Variants in TACC2 observed in about 807,000 individuals in gnomAD.
TACC2 encodes the protein transforming acidic coiled-coil-containing protein 2.
A neutral mutation model predicts 227.3 loss-of-function variants in TACC2; 137 were observed. The observed-to-expected ratio is 0.60, with a 90% CI of 0.52 to 0.69. The LOEUF is 0.69. TACC2 is among the 30% of genes least tolerant of loss of function. TACC2 has a pLI of 0.00. For missense variants in TACC2, 3,470 were observed against 3,694.4 expected (o/e 0.94, Z 1.57); for synonymous variants, 1,523 against 1,487.5 (o/e 1.02, Z -0.55).
At chr10:122,027,662 A>C (rs1958209805) in intron 2 of TACC2, among the ~76,000 whole-genome samples, 1 of 152,008 alleles carries the variant, frequency 6.6e-6, no homozygotes, top group Non-Finnish European at 1.5e-5. Context: ...ATTCTTTTCT[A>C]AAATTGTTTT....
intron 5 of TACC2, among the ~76,000 whole-genome samples, chr10:122,132,066 A>AGGAAGGAAGGAAGGAAGGAAGG: frequency 3.4e-5 from 2 of 58,320 alleles, no homozygotes; most frequent in East Asian, 7.0e-4. Flanking sequence ...GAAAGAAAGA[A>AGGAAGGAAGGAAGGAAGGAAGG]AAAGAAAGAA....
chr10:122,163,809 C>A, intron 7 of TACC2: 2 of 1,408,120 alleles, frequency 1.4e-6, no homozygotes, highest in East Asian at 2.8e-5. Context: ...AGCTGCTCCC[C>A]TCTGCAGTGC....
intron 7 of TACC2, among the ~76,000 whole-genome samples, chr10:122,146,145 G>C (rs919726781): frequency 3.9e-5 from 6 of 152,150 alleles, no homozygotes; most frequent in Non-Finnish European, 7.4e-5. Flanking sequence ...GGTAGCTGAG[G>C]ATGGCTTCCC....
chr10:122,168,313 C>A (rs570013824), intron 7 of TACC2, among the ~76,000 whole-genome samples: 8 of 152,090 alleles, frequency 5.3e-5, no homozygotes, highest in Non-Finnish European at 7.4e-5. Context: ...AGTTCCTGGA[C>A]GGAGATTTTA....
intron 7 of TACC2, among the ~76,000 whole-genome samples, chr10:122,182,043 C>G (rs1295453400): frequency 6.6e-6 from 1 of 152,208 alleles, no homozygotes; most frequent in African/African-American, 2.4e-5. Flanking sequence ...TGTAGCTTCT[C>G]CATCCCACAT....
chr10:122,202,817 T>C (rs1352433649), intron 8 of TACC2, among the ~76,000 whole-genome samples: 2 of 150,692 alleles, frequency 1.3e-5, no homozygotes, highest in Admixed American at 6.6e-5. Flanking sequence ...CCTTCCGCAG[T>C]GTTTGTGTCC....
intron 22 of TACC2, among the ~76,000 whole-genome samples, chr10:122,253,442 G>A (rs1375134926): frequency 6.6e-6 from 1 of 152,124 alleles, no homozygotes; most frequent in Non-Finnish European, 1.5e-5. Flanking sequence ...AAGGTGTGGT[G>A]GGAGAATCAC....
intron 1 of TACC2, among the ~76,000 whole-genome samples, chr10:122,002,370 G>T (rs1249688785): frequency 6.6e-6 from 1 of 152,110 alleles, no homozygotes; most frequent in Admixed American, 6.5e-5. Context: ...GTTGGAGTTT[G>T]CTAGTATGTT....
chr10:122,184,453 G>A (rs1268139258), intron 7 of TACC2, among the ~76,000 whole-genome samples: 1 of 152,114 alleles, frequency 6.6e-6, no homozygotes, highest in Non-Finnish European at 1.5e-5. Context: ...CCAGCTAACC[G>A]GATCCCAGCT....
intron 3 of TACC2, among the ~76,000 whole-genome samples, chr10:122,071,659 AG>A (rs1402085991): frequency 6.9e-6 from 1 of 145,446 alleles, no homozygotes; most frequent in African/African-American, 2.5e-5. Context: ...GGATCATCTG[AG>A]GTCAAGAGTT....
At chr10:122,245,381 G>A (rs2096088908) in intron 19 of TACC2, among the ~76,000 whole-genome samples, 1 of 152,144 alleles carries the variant, frequency 6.6e-6, no homozygotes, top group Admixed American at 6.5e-5. Context: ...GTTAGGTTGA[G>A]AGGAAAGGAA....
chr10:122,254,436 T>A lies in TACC2; in HGVS notation c.*380T>A, dbSNP rs747511945. 1 of 171,336 alleles carries A rather than the reference T, an allele frequency of 5.8e-6. No homozygotes were observed. The highest frequency in any genetic ancestry group is 1.6e-4 in the South Asian group (1 of 6,212). 10.6% of individuals were successfully genotyped at this position (171,336 alleles called of 1,614,324 possible). A position where few individuals can be genotyped will look rare whatever the true frequency, so the allele number is the denominator to read the frequency against. On this transcript the variant is annotated 3_prime_UTR_variant, in exon 23 of 23. Transcript: ENST00000369005. ...GCATAGGGACTCTTGCCTTAAGGAG[T>A]GTAAACTTGATCTGCATTTGCTGAT...
intron 3 of TACC2, among the ~76,000 whole-genome samples, chr10:122,058,030 C>G (rs866985560): frequency 1.3e-5 from 2 of 152,228 alleles, no homozygotes; most frequent in Admixed American, 6.5e-5. Context: ...CACACAACAA[C>G]TGACCAGCAT....
rs1028743179 is a variant in TACC2, at chr10:122,125,017, G to A, written c.5574-7592G>A. Among the ~76,000 whole-genome samples, 7 of 146,738 alleles carry A rather than the reference G, an allele frequency of 4.8e-5. No homozygotes were observed. In the South Asian group the frequency reaches 8.7e-4, roughly 18 times the overall value. On this transcript the variant is annotated intron_variant, in intron 5 of 22. Transcript: ENST00000369005. ...AAACACTCTCCAGCACGAAGCCAGC[G>A]CAGCCCTGCAGCTGGGAAATCGCCA...
Position 122,112,018 on chromosome 10 carries a change from A to C in TACC2, c.5574-20591A>C, listed in dbSNP as rs75544127. On this transcript the variant is annotated intron_variant, in intron 5 of 22. Coordinates refer to ENST00000369005, the MANE Select transcript of TACC2 (RefSeq NM_206862.4). ...TTTTCGCAGAAGGCAGTAACAGTCT[A>C]TTTCTTTATTCTACAGAGAATCCTC... Among the ~76,000 whole-genome samples, 1,375 of 152,220 alleles carry C rather than the reference A, an allele frequency of 9.0e-3. 22 individuals are homozygous for C. The highest frequency in any genetic ancestry group is 0.032 in the African/African-American group (1,310 of 41,548).
chr10:121,989,817 G>A (rs1952957897), intron 1 of TACC2, among the ~76,000 whole-genome samples: 3 of 151,704 alleles, frequency 2.0e-5, no homozygotes, highest in Non-Finnish European at 4.4e-5. Context: ...GAGTGCGGTG[G>A]CATGATCATG....
Position 122,132,066 on chromosome 10 carries a change from A to AAGAAAGAAAGAAAGAAAG in TACC2, c.5574-542_5574-541insGAAAGAAAGAAAGAAAGA, listed in dbSNP as rs1555059146. 2.8e-3 allele frequency among the ~76,000 whole-genome samples: 163 copies of AAGAAAGAAAGAAAGAAAG among 58,320 alleles called. 3 individuals are homozygous for AAGAAAGAAAGAAAGAAAG. The highest frequency in any genetic ancestry group is 0.025 in the East Asian group (70 of 2,838). The allele number at this position is 58,320 out of a possible 152,430, so 38.3% of individuals were successfully genotyped here. A position where few individuals can be genotyped will look rare whatever the true frequency, so the allele number is the denominator to read the frequency against. ...AAAGAAAGAAAGAAAGAAAGAAAGAAAAAGAAAGAAAGAAAGAGAAAGATC... is the reference window on the plus strand; with the variant it reads ...AAAGAAAGAAAGAAAGAAAGAAAGAAAGAAAGAAAGAAAGAAAGAAAGAAAGAAAGAAAGAGAAAGATC... On this transcript the variant is annotated intron_variant, in intron 5 of 22. Transcript: ENST00000369005.
chr10:122,001,337 C>G (rs1565035338), intron 1 of TACC2, among the ~76,000 whole-genome samples: 2 of 152,198 alleles, frequency 1.3e-5, no homozygotes, highest in Non-Finnish European at 2.9e-5. Context: ...TTATGTCTTA[C>G]ATGGTGGCAG....
intron 3 of TACC2, among the ~76,000 whole-genome samples, chr10:122,055,736 C>T (rs1039746851): frequency 6.6e-6 from 1 of 152,156 alleles, no homozygotes; most frequent in Non-Finnish European, 1.5e-5. Flanking sequence ...CAAAACAAAA[C>T]CCAAAAAATG....
Sources: gnomAD v4.1 joint callset for allele counts (sites outside exome capture counted in the v4.1 genomes callset) on GRCh38, gnomAD v4.1.1 for gene constraint, MANE v1.5 for transcripts, NCBI Gene and HGNC (gene_info 2026-07-23, HGNC 2026-07-21) for gene names.